Variants in SDK1 observed in about 807,000 individuals in gnomAD.
SDK1 encodes protein sidekick-1.
In SDK1, 157 loss-of-function variants were observed where a neutral mutation model predicts 245.5. The observed-to-expected ratio is 0.64, with a 90% CI of 0.56 to 0.73. The LOEUF is 0.73. Ranked by LOEUF, SDK1 falls within the 30% of genes least tolerant of loss-of-function variation. The pLI is 0.00. For synonymous variants in SDK1, 1,647 were observed against 1,278.5 expected, an observed-to-expected ratio of 1.29 and a Z score of -6.15; for missense variants, 3,583 against 3,002.3, an observed-to-expected ratio of 1.19 and a Z score of -4.52.
intron 35 of SDK1, among the ~76,000 whole-genome samples, chr7:4,180,086 T>C (rs1333680681): frequency 6.6e-6 from 1 of 151,904 alleles, no homozygotes; most frequent in Non-Finnish European, 1.5e-5. Flanking sequence ...AAGCCAGGGG[T>C]GGTGCGGGAA....
At chr7:3,876,501 T>G (rs751150285) in intron 5 of SDK1, among the ~76,000 whole-genome samples, 1 of 152,214 alleles carries the variant, frequency 6.6e-6, no homozygotes, top group Non-Finnish European at 1.5e-5. Context: ...AACAGATGCT[T>G]TTAGAAACTG....
chr7:4,165,054 G>T (rs554988829), intron 32 of SDK1, among the ~76,000 whole-genome samples: 1 of 152,230 alleles, frequency 6.6e-6, no homozygotes, highest in East Asian at 1.9e-4. Flanking sequence ...TGTGTTTTTT[G>T]TTTTGTTTTG....
chr7:3,870,785 T>G (rs902338831), intron 5 of SDK1, among the ~76,000 whole-genome samples: 1 of 152,172 alleles, frequency 6.6e-6, no homozygotes, highest in Admixed American at 6.5e-5. Flanking sequence ...ATTTTTCCAC[T>G]AATGTTTTTT....
At chr7:3,725,968 C>T (rs1778995754) in intron 4 of SDK1, among the ~76,000 whole-genome samples, 1 of 152,138 alleles carries the variant, frequency 6.6e-6, no homozygotes, top group Non-Finnish European at 1.5e-5. Context: ...TCTTCAGGAG[C>T]CAATATCTCA....
intron 1 of SDK1, among the ~76,000 whole-genome samples, chr7:3,465,246 C>T (rs1780960265): frequency 6.6e-6 from 1 of 152,154 alleles, no homozygotes; most frequent in South Asian, 2.1e-4. Flanking sequence ...GGCCCTCCTG[C>T]CCAGTTGGCC....
intron 16 of SDK1, among the ~76,000 whole-genome samples, chr7:4,015,613 C>T (rs1484819843): frequency 3.9e-5 from 6 of 152,168 alleles, no homozygotes; most frequent in South Asian, 2.1e-4. Flanking sequence ...GAGAATTGCA[C>T]GTGTACTTGC....
At chr7:3,896,832 T>C (rs1231848432) in intron 5 of SDK1, among the ~76,000 whole-genome samples, 1 of 152,164 alleles carries the variant, frequency 6.6e-6, no homozygotes. Flanking sequence ...TGTAGCAAAA[T>C]ATACATGTAT....
At chr7:3,576,063 C>T (rs1173030612) in intron 1 of SDK1, among the ~76,000 whole-genome samples, 1 of 152,026 alleles carries the variant, frequency 6.6e-6, no homozygotes, top group Non-Finnish European at 1.5e-5. Context: ...TGAGGAAAAT[C>T]ACAAACCTGA....
chr7:3,323,957 T>A (rs1292831964), intron 1 of SDK1, among the ~76,000 whole-genome samples: 1 of 152,194 alleles, frequency 6.6e-6, no homozygotes, highest in Non-Finnish European at 1.5e-5. Context: ...ATTACCTATG[T>A]CCATTTCTTT....
chr7:3,722,317 C>T (rs550700928), intron 4 of SDK1, among the ~76,000 whole-genome samples: 9 of 152,258 alleles, frequency 5.9e-5, no homozygotes, highest in African/African-American at 9.6e-5. Flanking sequence ...CAAGAACAGT[C>T]GAAGAGGAGT....
intron 17 of SDK1, among the ~76,000 whole-genome samples, chr7:4,033,250 C>T (rs768838580): frequency 6.7e-6 from 1 of 150,350 alleles, no homozygotes; most frequent in Non-Finnish European, 1.5e-5. Context: ...TAAGTGGATA[C>T]CTATATGGAA....
chr7:3,741,486 G>T (rs906406140), intron 4 of SDK1, among the ~76,000 whole-genome samples: 1 of 152,130 alleles, frequency 6.6e-6, no homozygotes, highest in Non-Finnish European at 1.5e-5. Flanking sequence ...TAAAACAATT[G>T]ATTTTTAAAA....
intron 4 of SDK1, among the ~76,000 whole-genome samples, chr7:3,820,309 C>T (rs949052238): frequency 2.6e-5 from 4 of 152,040 alleles, no homozygotes; most frequent in Non-Finnish European, 5.9e-5. Context: ...GCCACCACGC[C>T]GAACTAATTT....
intron 4 of SDK1, among the ~76,000 whole-genome samples, chr7:3,645,880 A>G (rs1782819514): frequency 6.6e-6 from 1 of 150,790 alleles, no homozygotes; most frequent in Non-Finnish European, 1.5e-5. Flanking sequence ...ATTTTTTGAG[A>G]TGGAGTCTTG....
At chr7:3,907,895 C>T (rs1439480171) in intron 5 of SDK1, among the ~76,000 whole-genome samples, 1 of 152,152 alleles carries the variant, frequency 6.6e-6, no homozygotes, top group Non-Finnish European at 1.5e-5. Flanking sequence ...AACTAGAATA[C>T]TTTGATTGAG....
intron 14 of SDK1, among the ~76,000 whole-genome samples, chr7:4,002,330 C>A (rs1313856354): frequency 2.0e-5 from 3 of 152,140 alleles, no homozygotes; most frequent in Admixed American, 6.5e-5. Context: ...GGCTGAAATT[C>A]TTTGTTGTCT....
chr7:4,148,568 G>A (rs1052560741), intron 29 of SDK1, among the ~76,000 whole-genome samples: 4 of 152,194 alleles, frequency 2.6e-5, no homozygotes, highest in African/African-American at 7.2e-5. Flanking sequence ...GAAATTCAGC[G>A]TTAAAGGTGG....
intron 5 of SDK1, among the ~76,000 whole-genome samples, chr7:3,849,828 C>T (rs185189704): frequency 6.9e-4 from 105 of 152,280 alleles, no homozygotes; most frequent in Admixed American, 1.0e-3. Context: ...CTTAAAAAAG[C>T]TGTTCCAAAG....
At chr7:4,142,249 C>T (rs964304262) in intron 28 of SDK1, among the ~76,000 whole-genome samples, 2 of 151,970 alleles carry the variant, frequency 1.3e-5, no homozygotes, top group African/African-American at 4.8e-5. Context: ...TCTCTAGGAA[C>T]GATATTCAGA....
Sources: allele counts gnomAD v4.1 joint callset (sites outside exome capture counted in the v4.1 genomes callset), GRCh38; gene constraint gnomAD v4.1.1; transcripts MANE v1.5; gene names NCBI Gene and HGNC (gene_info 2026-07-23, HGNC 2026-07-21).